Variants in HPSE2 observed in about 807,000 individuals in gnomAD.
The protein encoded by HPSE2 is inactive heparanase-2.
A neutral mutation model predicts 60.5 loss-of-function variants in HPSE2; 38 were observed. The observed-to-expected ratio is 0.63, with a 90% CI of 0.48 to 0.82. HPSE2 has a LOEUF of 0.82. Ranked by LOEUF, HPSE2 falls within the 40% of genes least tolerant of loss-of-function variation. The probability of loss-of-function intolerance (pLI) is 0.00; values close to 1 mark genes in which losing one functional copy is unlikely to be tolerated. For synonymous variants in HPSE2, 295 were observed against 293.2 expected, an observed-to-expected ratio of 1.01 and a Z score of -0.06; for missense variants, 713 against 740.4, an observed-to-expected ratio of 0.96 and a Z score of 0.43.
At chr10:98,775,908 T>C (rs1950330180) in intron 3 of HPSE2, among the ~76,000 whole-genome samples, 1 of 152,190 alleles carries the variant, frequency 6.6e-6, no homozygotes, top group Non-Finnish European at 1.5e-5. Flanking sequence ...CACAGTCATA[T>C]TTCAGTAACC....
the HPSE2 span, among the ~76,000 whole-genome samples, chr10:99,242,148 T>C: frequency 0.017 from 2,652 of 152,290 alleles, 73 homozygotes; most frequent in African/African-American, 0.061. Flanking sequence ...TCAAGGACTG[T>C]CTCTGTCCTG....
intron 3 of HPSE2, among the ~76,000 whole-genome samples, chr10:98,877,991 C>T (rs1224324108): frequency 6.6e-6 from 1 of 151,892 alleles, no homozygotes; most frequent in Non-Finnish European, 1.5e-5. Flanking sequence ...ATCCAAACCT[C>T]AGAGAATGCT....
chr10:99,073,207 A>T (rs1842854016), intron 3 of HPSE2, among the ~76,000 whole-genome samples: 1 of 152,216 alleles, frequency 6.6e-6, no homozygotes, highest in South Asian at 2.1e-4. Context: ...TCACAATAGT[A>T]AAGACATGGA....
the HPSE2 span, among the ~76,000 whole-genome samples, chr10:99,254,224 A>AT: frequency 3.3e-5 from 5 of 152,240 alleles, no homozygotes; most frequent in Non-Finnish European, 5.9e-5. Context: ...TCGGAATACA[A>AT]TGCAGCCATA....
intron 9 of HPSE2, among the ~76,000 whole-genome samples, chr10:98,581,919 T>A (rs897882404): frequency 1.3e-5 from 2 of 152,194 alleles, no homozygotes; most frequent in Non-Finnish European, 2.9e-5. Context: ...GTACTCTAGA[T>A]GAAAGTCAAT....
rs528647753 is a variant in HPSE2 at position 98,546,034 on chromosome 10, G to C, written c.1321-55838C>G. Reference sequence around the variant, plus strand: ...ACAGACAAACAGAGAGCCAAATCATGAGTGAACTCCCATTAACAATTGCTT... The same window carrying C: ...ACAGACAAACAGAGAGCCAAATCATCAGTGAACTCCCATTAACAATTGCTT... On this transcript the variant is annotated intron_variant, in intron 9 of 11. Transcript: ENST00000370552. Among the ~76,000 whole-genome samples the C allele has an allele frequency of 1.1e-3, 146 of 131,934 alleles. 3 individuals carry two copies. Among genetic ancestry groups the C allele is most frequent in the African/African-American group, 3.8e-3 (143 of 37,172 alleles). 86.6% of individuals were successfully genotyped at this position (131,934 alleles called of 152,430 possible). A position where few individuals can be genotyped will look rare whatever the true frequency, so the allele number is the denominator to read the frequency against.
At chr10:98,955,606 G>T (rs902654970) in intron 3 of HPSE2, among the ~76,000 whole-genome samples, 1 of 152,068 alleles carries the variant, frequency 6.6e-6, no homozygotes, top group Admixed American at 6.5e-5. Flanking sequence ...CCATTACTAG[G>T]TATATACCCA....
intron 9 of HPSE2, among the ~76,000 whole-genome samples, chr10:98,516,098 T>C (rs553951693): frequency 3.3e-5 from 5 of 152,244 alleles, no homozygotes; most frequent in African/African-American, 1.2e-4. Flanking sequence ...GACCCTTCAG[T>C]GGCAGAAGGG....
intron 3 of HPSE2, among the ~76,000 whole-genome samples, chr10:99,137,255 T>C (rs1845694349): frequency 6.6e-6 from 1 of 152,108 alleles, no homozygotes; most frequent in African/African-American, 2.4e-5. Context: ...CACAAACAAA[T>C]GGAAAAACAT....
At chr10:99,153,932 G>A (rs1397250295) in intron 2 of HPSE2, among the ~76,000 whole-genome samples, 1 of 151,958 alleles carries the variant, frequency 6.6e-6, no homozygotes. Flanking sequence ...TGAAAACCAA[G>A]GCTCGAGAAC....
At chr10:98,884,777 T>A (rs149433498) in intron 3 of HPSE2, among the ~76,000 whole-genome samples, 1 of 152,034 alleles carries the variant, frequency 6.6e-6, no homozygotes, top group Non-Finnish European at 1.5e-5. Flanking sequence ...TCATCAGGCA[T>A]TACTTAGATT....
chr10:98,563,665 T>A (rs771049559), intron 9 of HPSE2, among the ~76,000 whole-genome samples: 2 of 152,226 alleles, frequency 1.3e-5, no homozygotes, highest in Non-Finnish European at 2.9e-5. Context: ...ACCCATTATT[T>A]TACTACTCAG....
At chr10:99,206,818 A>G (rs951655612) in intron 2 of HPSE2, among the ~76,000 whole-genome samples, 1 of 151,952 alleles carries the variant, frequency 6.6e-6, no homozygotes, top group Non-Finnish European at 1.5e-5. Flanking sequence ...CAAGCAGAAG[A>G]TAGAATCAAT....
chr10:99,220,752 G>A (rs1849281579), intron 2 of HPSE2, among the ~76,000 whole-genome samples: 1 of 149,422 alleles, frequency 6.7e-6, no homozygotes, highest in Non-Finnish European at 1.5e-5. Flanking sequence ...GCAGTGAGCT[G>A]AGACTGCATC....
rs1160537449 is a variant in HPSE2 at position 98,929,781 on chromosome 10, C to T, written c.611-185725G>A. Among the ~76,000 whole-genome samples, 3 of 143,546 alleles carry T rather than the reference C, an allele frequency of 2.1e-5. 1 individual carries two copies. The highest frequency in any genetic ancestry group is 8.5e-5 in the African/African-American group (3 of 35,306). 94.2% of individuals were successfully genotyped at this position (143,546 alleles called of 152,430 possible). A position where few individuals can be genotyped will look rare whatever the true frequency, so the allele number is the denominator to read the frequency against. Reference sequence around the variant, plus strand: ...TTTGTGTTTGTTTAAAACAAACAGCCCATGAGCTGAGAATTATTTTTACAT... The same window carrying T: ...TTTGTGTTTGTTTAAAACAAACAGCTCATGAGCTGAGAATTATTTTTACAT... On this transcript the variant is annotated intron_variant, in intron 3 of 11. Transcript: ENST00000370552.
chr10:98,872,689 T>C (rs552161317), intron 3 of HPSE2, among the ~76,000 whole-genome samples: 13 of 152,236 alleles, frequency 8.5e-5, no homozygotes, highest in African/African-American at 2.9e-4. Flanking sequence ...TAATTTCAAT[T>C]CACCTCTGTC....
Position 99,195,072 on chromosome 10 carries a change from T to A in HPSE2, c.448+37276A>T, listed in dbSNP as rs541131538. 9.2e-5 allele frequency among the ~76,000 whole-genome samples: 14 copies of A among 152,184 alleles called. No homozygotes were observed. The East Asian group carries it at 2.5e-3, about 27-fold the overall frequency. On this transcript the variant is annotated intron_variant, in intron 2 of 11. Coordinates refer to ENST00000370552, the MANE Select transcript of HPSE2 (RefSeq NM_021828.5). ...TTTATGTCAGTGATGCAAGGATGGC[T>A]CGACATAGGCAAATCAATCAGTATG...
intron 2 of HPSE2, among the ~76,000 whole-genome samples, chr10:99,229,505 T>C (rs1463868776): frequency 1.3e-5 from 2 of 152,214 alleles, no homozygotes; most frequent in African/African-American, 4.8e-5. Context: ...ACCTTTCTTA[T>C]AGTGTTGTGC....
At chr10:99,203,126 G>A (rs1423129466) in intron 2 of HPSE2, among the ~76,000 whole-genome samples, 1 of 150,970 alleles carries the variant, frequency 6.6e-6, no homozygotes, top group African/African-American at 2.4e-5. Flanking sequence ...ATCCCACCAC[G>A]AGGATGACCC....
Sources: allele counts gnomAD v4.1 joint callset (sites outside exome capture counted in the v4.1 genomes callset), GRCh38; gene constraint gnomAD v4.1.1; transcripts MANE v1.5; gene names NCBI Gene and HGNC (gene_info 2026-07-23, HGNC 2026-07-21).